Variants in RAB3IP observed in about 807,000 individuals in gnomAD.
The protein encoded by RAB3IP is rab-3A-interacting protein.
In RAB3IP, 36 loss-of-function variants were observed where a neutral mutation model predicts 59.1. The ratio of observed to expected loss-of-function variants is 0.61; its 90% confidence interval spans 0.47 to 0.80. The LOEUF (loss-of-function observed/expected upper bound fraction) is 0.80. RAB3IP is among the 30% of genes least tolerant of loss of function. The probability of loss-of-function intolerance (pLI) is 0.00; values close to 1 mark genes in which losing one functional copy is unlikely to be tolerated. For synonymous variants in RAB3IP, 207 were observed against 191.2 expected, an observed-to-expected ratio of 1.08 and a Z score of -0.68; for missense variants, 511 against 536.0, an observed-to-expected ratio of 0.95 and a Z score of 0.46.
In RAB3IP at chr12:69,800,399, AATCATATTACATATTTTAAT is replaced by A. The variant is rs1278745881; in HGVS notation, c.1017+66_1017+85del. ...TTGTTTCTGTACTTCTTTTAAACTAAATCATATTACATATTTTAATATCTCTTACATAAATAAGTTATTAT... is the reference window on the plus strand; with the variant it reads ...TTGTTTCTGTACTTCTTTTAAACTAAATCTCTTACATAAATAAGTTATTAT... On this transcript the variant is annotated intron_variant, in intron 7 of 10. Transcript: ENST00000247833. 3 of 1,006,200 alleles carry A rather than the reference AATCATATTACATATTTTAAT, an allele frequency of 3.0e-6. No individual in the cohort carries two copies. In the African/African-American group the frequency reaches 5.1e-5, roughly 17 times the overall value. The allele number at this position is 1,006,200 out of a possible 1,614,324, so 62.3% of individuals were successfully genotyped here.
chr12:69,807,332 C>T (rs1808195213), intron 8 of RAB3IP, among the ~76,000 whole-genome samples: 1 of 149,530 alleles, frequency 6.7e-6, no homozygotes, highest in Admixed American at 6.6e-5. Flanking sequence ...CAGAGGCGCT[C>T]TTCACCTCCC....
intron 1 of RAB3IP, among the ~76,000 whole-genome samples, chr12:69,741,158 C>A (rs1887297502): frequency 6.6e-6 from 1 of 152,244 alleles, no homozygotes; most frequent in Non-Finnish European, 1.5e-5. Context: ...GAGAAGGAAC[C>A]AGTGTGAGCT....
rs1226306895 is a variant in RAB3IP, at chr12:69,821,513, C to A, written c.*6067C>A. Reference sequence around the variant, plus strand: ...CCTCCCAGCAACTTCCTTCTCAATTCTCTTCACTTTCCGCAGATCTCGGCA... The same window carrying A: ...CCTCCCAGCAACTTCCTTCTCAATTATCTTCACTTTCCGCAGATCTCGGCA... On this transcript the variant is annotated 3_prime_UTR_variant, in exon 11 of 11. Coordinates refer to ENST00000247833, the MANE Select transcript of RAB3IP (RefSeq NM_022456.5). The A allele has an allele frequency of 2.0e-5, 3 of 152,172 alleles. No homozygotes were observed. The highest frequency in any genetic ancestry group is 6.5e-5 in the Admixed American group (1 of 15,280). 9.4% of individuals were successfully genotyped at this position (152,172 alleles called of 1,614,324 possible).
In RAB3IP at chr12:69,822,968, G is replaced by A. The variant is rs1199985227; in HGVS notation, c.*7522G>A. The A allele has an allele frequency of 1.3e-5, 2 of 152,074 alleles. No individual in the cohort carries two copies. The highest frequency in any genetic ancestry group is 2.9e-5 in the Non-Finnish European group (2 of 68,016). 9.4% of individuals were successfully genotyped at this position (152,074 alleles called of 1,614,324 possible). ...ATTGTTTAATATATCCTGTACCACTGTAGGATGACTGTAGTTAACAATAAT... is the reference window on the plus strand; with the variant it reads ...ATTGTTTAATATATCCTGTACCACTATAGGATGACTGTAGTTAACAATAAT... On this transcript the variant is annotated 3_prime_UTR_variant, in exon 11 of 11. Transcript: ENST00000247833.
chr12:69,800,815 A>G (rs1878254572), intron 7 of RAB3IP, among the ~76,000 whole-genome samples: 1 of 152,224 alleles, frequency 6.6e-6, no homozygotes, highest in Admixed American at 6.5e-5. Context: ...CCTTAGAAAA[A>G]TAAGGCAGTA....
At chr12:69,794,976 G>A (rs1715018647) in intron 5 of RAB3IP, among the ~76,000 whole-genome samples, 165 bp from the exon 6 acceptor site, 1 of 152,090 alleles carries the variant, frequency 6.6e-6, no homozygotes, top group Non-Finnish European at 1.5e-5. Flanking sequence ...AAACCATATG[G>A]AAACATCAAA....
At chr12:69,810,206 A>G (rs754735766) in intron 8 of RAB3IP, among the ~76,000 whole-genome samples, 21 of 152,200 alleles carry the variant, frequency 1.4e-4, no homozygotes, top group Non-Finnish European at 2.8e-4. Flanking sequence ...GTGGCTGCAG[A>G]ACAGCAGATA....
chr12:69,794,321 T>C, intron 4 of RAB3IP, 116 bp from the exon 5 acceptor site: 1 of 753,494 alleles, frequency 1.3e-6, no homozygotes, highest in Non-Finnish European at 2.2e-6. Context: ...ATTGAATACT[T>C]AACTTCAGGC....
intron 3 of RAB3IP, among the ~76,000 whole-genome samples, chr12:69,758,739 C>CA (rs907290023): frequency 8.0e-6 from 1 of 124,278 alleles, no homozygotes; most frequent in Non-Finnish European, 1.6e-5. Context: ...GCTACATGGG[C>CA]ATCTGTGTGT....
intron 4 of RAB3IP, among the ~76,000 whole-genome samples, chr12:69,785,568 C>T (rs1465201647): frequency 6.6e-6 from 1 of 152,086 alleles, no homozygotes; most frequent in African/African-American, 2.4e-5. Context: ...GCAAATGTTT[C>T]AGTTTGAGTC....
intron 3 of RAB3IP, 142 bp downstream of exon 3, chr12:69,756,805 C>A: frequency 1.4e-6 from 1 of 705,856 alleles, no homozygotes; most frequent in Non-Finnish European, 2.3e-6. Context: ...TCCTGTTAGG[C>A]AGCATTTAGG....
At chr12:69,811,757 G>A (rs1284138584) in intron 8 of RAB3IP, among the ~76,000 whole-genome samples, 2 of 152,232 alleles carry the variant, frequency 1.3e-5, no homozygotes, top group East Asian at 3.9e-4. Flanking sequence ...GATTTGAATT[G>A]CCCCCTCCTC....
intron 1 of RAB3IP, among the ~76,000 whole-genome samples, chr12:69,751,557 A>G (rs1448846581): frequency 3.3e-5 from 5 of 152,176 alleles, no homozygotes; most frequent in Middle Eastern, 3.4e-3. Context: ...TTGATTTTAT[A>G]TTTGTAGTTT....
intron 1 of RAB3IP, chr12:69,739,792 C>G (rs964476636): frequency 9.3e-6 from 15 of 1,610,864 alleles, no homozygotes; most frequent in Non-Finnish European, 1.0e-5. Flanking sequence ...CTTACTGGCT[C>G]CAGAAGTGAT....
intron 8 of RAB3IP, among the ~76,000 whole-genome samples, chr12:69,809,564 C>T (rs1880060135): frequency 6.6e-6 from 1 of 152,228 alleles, no homozygotes; most frequent in Admixed American, 6.5e-5. Flanking sequence ...GGTCTTTTCA[C>T]ATAGTCCCAT....
At chr12:69,803,601 C>A (rs2136254225) in intron 8 of RAB3IP, among the ~76,000 whole-genome samples, 1 of 151,966 alleles carries the variant, frequency 6.6e-6, no homozygotes, top group African/African-American at 2.4e-5. Context: ...CACCCATTAA[C>A]TCATCATTTA....
intron 3 of RAB3IP, among the ~76,000 whole-genome samples, chr12:69,773,089 T>C (rs1223628793): frequency 6.6e-6 from 1 of 152,180 alleles, no homozygotes; most frequent in Non-Finnish European, 1.5e-5. Flanking sequence ...TGTTTGTTTT[T>C]TCCTTCAGCT....
intron 6 of RAB3IP, among the ~76,000 whole-genome samples, chr12:69,797,477 CTTT>C: frequency 2.4e-4 from 13 of 54,940 alleles, no homozygotes; most frequent in African/African-American, 8.0e-4. Flanking sequence ...TCTTTTCTTT[CTTT>C]TTTTTTTTTT....
intron 6 of RAB3IP, among the ~76,000 whole-genome samples, chr12:69,797,590 G>A (rs1332781836): frequency 7.1e-6 from 1 of 141,386 alleles, no homozygotes; most frequent in Non-Finnish European, 1.5e-5. Flanking sequence ...AGTTACAGAT[G>A]TATACATGTG....
Sources: gnomAD v4.1 joint callset for allele counts (sites outside exome capture counted in the v4.1 genomes callset) on GRCh38, gnomAD v4.1.1 for gene constraint, MANE v1.5 for transcripts, NCBI Gene and HGNC (gene_info 2026-07-23, HGNC 2026-07-21) for gene names.